The following ZNF236 variants were observed in gnomAD, a reference collection of about 807,000 sequenced individuals.
ZNF236 encodes zinc finger protein 236.
ZNF236 carries 50 observed loss-of-function variants against 191.2 expected under a neutral mutation model. The ratio of observed to expected loss-of-function variants is 0.26; its 90% CI spans 0.21 to 0.33. The LOEUF (loss-of-function observed/expected upper bound fraction) is 0.33. Ranked by LOEUF, ZNF236 falls within the 10% of genes least tolerant of loss-of-function variation. The pLI, the probability that ZNF236 is intolerant of heterozygous loss-of-function variation, is 1.00. For missense variants in ZNF236, 1,754 were observed against 2,374.5 expected (o/e 0.74, Z 5.43); for synonymous variants, 907 against 928.8 (o/e 0.98, Z 0.43).
intron 20 of ZNF236, 149 bp downstream of exon 20, chr18:76,920,207 GT>G: frequency 1.1e-6 from 1 of 947,070 alleles, no homozygotes; most frequent in Non-Finnish European, 1.6e-6. Flanking sequence ...TGAATGTATG[GT>G]TTTAAGCTTG....
At chr18:76,955,897 C>T in intron 27 of ZNF236, 88 bp from the exon 28 acceptor site, 1 of 1,418,876 alleles carries the variant, frequency 7.0e-7, no homozygotes. Context: ...CTAGGAATGT[C>T]CCTCTTATCA....
intron 3 of ZNF236, among the ~76,000 whole-genome samples, chr18:76,866,381 G>T (rs956769393): frequency 6.6e-6 from 1 of 152,198 alleles, no homozygotes; most frequent in Admixed American, 6.5e-5. Context: ...AGGAAAAGAA[G>T]CATGGCTTCT....
chr18:76,875,920 T>G lies in ZNF236; in HGVS notation c.840+256T>G, dbSNP rs1976698243. Among the ~76,000 whole-genome samples, 1 of 152,248 alleles carries G rather than the reference T, an allele frequency of 6.6e-6. No individual in the cohort carries two copies. Among genetic ancestry groups the G allele is most frequent in the Non-Finnish European group, 1.5e-5 (1 of 68,036 alleles). On this transcript the variant is annotated intron_variant, in intron 6 of 30. Coordinates refer to ENST00000320610, the MANE Select transcript of ZNF236 (RefSeq NM_001306089.2). The surrounding 1 kb of genome is among the most constrained non-coding windows in gnomAD (Gnocchi z 4.3). ...GGGAATAAATATTTGAAAATAATCCTAATACCTTTGTTAGTTATAGTCTGT... is the reference window on the plus strand; with the variant it reads ...GGGAATAAATATTTGAAAATAATCCGAATACCTTTGTTAGTTATAGTCTGT...
Position 76,871,827 on chromosome 18 carries a change from T to TTC in ZNF236, c.667+2_667+3insTC. The TTC allele has an allele frequency of 6.2e-7, 1 of 1,614,086 alleles. No individual in the cohort carries two copies. The highest frequency in any genetic ancestry group is 8.5e-7 in the Non-Finnish European group (1 of 1,179,976). The stretch of plus-strand genomic sequence containing the variant: ...CGCGACACATTAGGATACACACAGG[T>TTC]ATGAAAACACTGACTTCTGGATGAC... On this transcript the variant is annotated splice_region_variant and intron_variant, in intron 5 of 30. Transcript: ENST00000320610.
intron 1 of ZNF236, among the ~76,000 whole-genome samples, chr18:76,833,213 T>G (rs929244970): frequency 2.0e-5 from 3 of 152,196 alleles, no homozygotes; most frequent in Admixed American, 6.5e-5. Flanking sequence ...TCTAGCTCAT[T>G]GTACTGGCTA....
intron 16 of ZNF236, 89 bp downstream of exon 16, chr18:76,910,900 G>A: frequency 6.9e-7 from 1 of 1,442,364 alleles, no homozygotes; most frequent in Non-Finnish European, 9.4e-7. Flanking sequence ...TTCCTTAAGG[G>A]AAATTTTAAG....
rs1968885406 is a variant in ZNF236, at chr18:76,970,195, T to C, written c.*1856T>C. On this transcript the variant is annotated 3_prime_UTR_variant, in exon 31 of 31. Transcript: ENST00000320610. ...ATCCCCAAAGTGGAAATTATTGGAA[T>C]TTTAAACTTTTGTTCTTGCTGGGTT... 1 of 152,666 alleles carries C rather than the reference T, an allele frequency of 6.6e-6. No homozygotes were observed. The highest frequency in any genetic ancestry group is 1.5e-5 in the Non-Finnish European group (1 of 68,044). The allele number at this position is 152,666 out of a possible 1,614,324, so 9.5% of individuals were successfully genotyped here.
intron 6 of ZNF236, among the ~76,000 whole-genome samples, chr18:76,876,542 A>T (rs1342147882): frequency 6.6e-6 from 1 of 152,228 alleles, no homozygotes; most frequent in Non-Finnish European, 1.5e-5. Context: ...GAAAAAGAGA[A>T]TCTAAAATGA....
In ZNF236 at chr18:76,895,293, C is replaced by T; in HGVS notation, c.1690+8C>T. Reference sequence around the variant, plus strand: ...ACATTCGCCTGCACACAGGTATGGCCTCAGGGCTGGGCCCACACGGGCACT... The same window carrying T: ...ACATTCGCCTGCACACAGGTATGGCTTCAGGGCTGGGCCCACACGGGCACT... On this transcript the variant is annotated splice_region_variant and intron_variant, in intron 10 of 30. Coordinates refer to ENST00000320610, the MANE Select transcript of ZNF236 (RefSeq NM_001306089.2). The T allele has an allele frequency of 6.3e-7, 1 of 1,597,286 alleles. No homozygotes were observed. Among genetic ancestry groups the T allele is most frequent in the Non-Finnish European group, 8.5e-7 (1 of 1,178,202 alleles).
intron 9 of ZNF236, chr18:76,884,968 C>T (rs1412086717): frequency 6.6e-6 from 1 of 152,182 alleles, no homozygotes; most frequent in Non-Finnish European, 1.5e-5. Flanking sequence ...TGCAGTAAGC[C>T]CAAAGCAGTG....
At chr18:76,942,078 G>A (rs1032185126) in intron 26 of ZNF236, among the ~76,000 whole-genome samples, 24 of 152,146 alleles carry the variant, frequency 1.6e-4, no homozygotes, top group African/African-American at 5.6e-4. Context: ...ATTAGAAGGT[G>A]GTCAAGAGAA....
intron 3 of ZNF236, among the ~76,000 whole-genome samples, chr18:76,862,607 TC>T (rs1413779080): frequency 6.6e-6 from 1 of 152,120 alleles, no homozygotes; most frequent in African/African-American, 2.4e-5. Context: ...GTTCTGATTC[TC>T]CCTCCAGAGT....
At chr18:76,858,301 G>A (rs1976108865) in intron 3 of ZNF236, among the ~76,000 whole-genome samples, 1 of 152,124 alleles carries the variant, frequency 6.6e-6, no homozygotes, top group African/African-American at 2.4e-5. Flanking sequence ...ATAGTACAAT[G>A]GATATTTGTA....
intron 21 of ZNF236, among the ~76,000 whole-genome samples, chr18:76,924,113 T>G (rs1363131597): frequency 1.3e-5 from 2 of 152,166 alleles, no homozygotes; most frequent in Admixed American, 1.3e-4. Flanking sequence ...TCCCTGAGCT[T>G]GTTTATATGA....
At chr18:76,894,749 T>A (rs1029410301) in intron 9 of ZNF236, among the ~76,000 whole-genome samples, 13 of 152,218 alleles carry the variant, frequency 8.5e-5, no homozygotes, top group African/African-American at 3.1e-4. Context: ...GGGAGCCAGC[T>A]GTGTCCTGGT....
At chr18:76,897,549 C>G (rs1389070203) in intron 10 of ZNF236, among the ~76,000 whole-genome samples, 1 of 149,840 alleles carries the variant, frequency 6.7e-6, no homozygotes, top group Non-Finnish European at 1.5e-5. Context: ...ACACAGGGAC[C>G]AGTGCTGCCC....
At chr18:76,902,094 T>C (rs1977610347) in intron 11 of ZNF236, among the ~76,000 whole-genome samples, 1 of 152,222 alleles carries the variant, frequency 6.6e-6, no homozygotes, top group African/African-American at 2.4e-5. Context: ...CAGATACTTG[T>C]ATCTTAGACC....
chr18:76,824,458 G>A (rs1438313410), intron 1 of ZNF236: 5 of 780,970 alleles, frequency 6.4e-6, no homozygotes. Context: ...TTGATTAATG[G>A]TTGATGGTGT....
At position 76,913,848 on chromosome 18, in the gene ZNF236, G is replaced by A. The variant is rs1280699939; in HGVS notation, c.3011G>A (p.Arg1004His). The change falls in exon 18 of 31, where the codon CGC becomes CAC. Residue 1004 changes from arginine (R) to histidine (H), a missense_variant. Transcript: ENST00000320610. ...EKPYKCKLCG[R>H]GFVSSGVLKS... Reference sequence around the variant, plus strand: ...CCCTACAAGTGCAAGCTCTGTGGACGCGGCTTTGTTTCCTCTGGGGTCCTC... The same window carrying A: ...CCCTACAAGTGCAAGCTCTGTGGACACGGCTTTGTTTCCTCTGGGGTCCTC... 1 of 1,614,240 alleles carries A rather than the reference G, an allele frequency of 6.2e-7. No homozygotes were observed. Among genetic ancestry groups the A allele is most frequent in the Non-Finnish European group, 8.5e-7 (1 of 1,180,040 alleles).
Sources: gnomAD v4.1 joint callset for allele counts (sites outside exome capture counted in the v4.1 genomes callset) on GRCh38, gnomAD v4.1.1 for gene constraint, Gnocchi (gnomAD v3.1) non-coding constraint, MANE v1.5 for transcripts, NCBI Gene and HGNC (gene_info 2026-07-23, HGNC 2026-07-21) for gene names.